Variants in NSUN6 observed in about 807,000 individuals in gnomAD.
The protein encoded by NSUN6 is tRNA (cytosine(72)-C(5))-methyltransferase NSUN6.
Under a neutral mutation model 58.0 loss-of-function variants are expected in NSUN6, and 64 were observed. That is an observed-to-expected ratio of 1.10 (90% confidence interval 0.90 to 1.36). NSUN6 has a LOEUF of 1.36. Among genes scored for constraint, NSUN6 ranks in the 40% most tolerant of loss-of-function variants. NSUN6 has a pLI of 0.00. For missense variants in NSUN6, 701 were observed against 550.1 expected, an observed-to-expected ratio of 1.27 and a Z score of -2.74; for synonymous variants, 231 against 193.9, an observed-to-expected ratio of 1.19 and a Z score of -1.59.
At chr10:18,582,712 G>T (rs1025580786) in intron 8 of NSUN6, among the ~76,000 whole-genome samples, 2 of 152,110 alleles carry the variant, frequency 1.3e-5, no homozygotes, top group Non-Finnish European at 2.9e-5. Context: ...GAAGCACACA[G>T]TTTAACACAA....
intron 2 of NSUN6, among the ~76,000 whole-genome samples, chr10:18,644,342 C>A (rs558563889): frequency 6.6e-6 from 1 of 152,260 alleles, no homozygotes; most frequent in Non-Finnish European, 1.5e-5. Context: ...CCATACTTGA[C>A]CCAGACTGGT....
At chr10:18,567,940 C>A (rs527453684) in intron 8 of NSUN6, among the ~76,000 whole-genome samples, 2 of 151,670 alleles carry the variant, frequency 1.3e-5, no homozygotes, top group African/African-American at 4.8e-5. Context: ...ATTCTCCATT[C>A]CATTCCATAT....
intron 3 of NSUN6, among the ~76,000 whole-genome samples, chr10:18,618,054 A>C (rs1332325089): frequency 6.6e-6 from 1 of 152,216 alleles, no homozygotes; most frequent in East Asian, 1.9e-4. Flanking sequence ...GCGTCATCTT[A>C]AAGTCCTCCT....
At chr10:18,623,091 C>G (rs2058668233) in intron 3 of NSUN6, among the ~76,000 whole-genome samples, 1 of 152,072 alleles carries the variant, frequency 6.6e-6, no homozygotes, top group Admixed American at 6.6e-5. Flanking sequence ...TATATTTCAC[C>G]AGTACATGAA....
chr10:18,578,125 C>T (rs150912857), intron 8 of NSUN6, among the ~76,000 whole-genome samples: 13 of 152,176 alleles, frequency 8.5e-5, no homozygotes, highest in African/African-American at 2.9e-4. Context: ...TAAAGGCACA[C>T]TTATAACCAG....
chr10:18,606,389 A>AC (rs140663567), intron 6 of NSUN6, among the ~76,000 whole-genome samples: 121,732 of 151,736 alleles, frequency 0.8, 48,961 homozygotes, highest in East Asian at 0.98. Flanking sequence ...ACAAGGCAAG[A>AC]TAGTTATCGC....
At chr10:18,635,263 C>G (rs1481889531) in intron 3 of NSUN6, among the ~76,000 whole-genome samples, 2 of 152,172 alleles carry the variant, frequency 1.3e-5, no homozygotes, top group African/African-American at 4.8e-5. Context: ...AAACTTCACC[C>G]CATGCCTCTT....
intron 8 of NSUN6, among the ~76,000 whole-genome samples, chr10:18,561,126 C>G (rs1302315387): frequency 1.3e-4 from 13 of 96,374 alleles, no homozygotes; most frequent in Non-Finnish European, 2.2e-4. Context: ...ATATAGAATG[C>G]AATGGAGAAT....
intron 1 of NSUN6, among the ~76,000 whole-genome samples, chr10:18,650,465 A>G (rs1452565497): frequency 6.6e-6 from 1 of 152,226 alleles, no homozygotes; most frequent in Non-Finnish European, 1.5e-5. Context: ...ATTTTTAACC[A>G]TTCTCAATTT....
At chr10:18,636,744 T>C (rs1022762318) in intron 3 of NSUN6, among the ~76,000 whole-genome samples, 1 of 151,442 alleles carries the variant, frequency 6.6e-6, no homozygotes, top group African/African-American at 2.4e-5. Flanking sequence ...ATACAAAAAT[T>C]AGTCGGGCGT....
intron 6 of NSUN6, among the ~76,000 whole-genome samples, chr10:18,605,052 A>G (rs1397062264): frequency 6.6e-6 from 1 of 151,290 alleles, no homozygotes; most frequent in East Asian, 2.0e-4. Context: ...CGCCCAGCTA[A>G]TTTTTTGTAT....
At chr10:18,562,136 GAATGGAATGGAA>G (rs1431312920) in intron 8 of NSUN6, among the ~76,000 whole-genome samples, 1 of 150,648 alleles carries the variant, frequency 6.6e-6, no homozygotes. Context: ...ATGGAGAATA[GAATGGAATGGAA>G]AATGGAATGG....
intron 8 of NSUN6, among the ~76,000 whole-genome samples, chr10:18,570,854 C>A (rs533479900): frequency 1.5e-4 from 22 of 151,404 alleles, no homozygotes; most frequent in African/African-American, 5.1e-4. Context: ...CTATTCCATT[C>A]TCTTCCATTC....
intron 9 of NSUN6, among the ~76,000 whole-genome samples, chr10:18,551,291 T>TGTGTGTGTGTGTGTGTGTGTGG (rs1230236829): frequency 1.3e-5 from 2 of 148,890 alleles, no homozygotes; most frequent in African/African-American, 5.0e-5. Flanking sequence ...TGTGTGTGTG[T>TGTGTGTGTGTGTGTGTGTGTGG]GGTAAAATAT....
chr10:18,647,726 T>TA (rs1178984797), intron 2 of NSUN6, among the ~76,000 whole-genome samples: 7 of 37,696 alleles, frequency 1.9e-4, no homozygotes, highest in Non-Finnish European at 4.4e-4. Context: ...CAACACCTTG[T>TA]TTTTTTTTTT....
In NSUN6 at chr10:18,644,783, T is replaced by A. The variant is rs576814572; in HGVS notation, c.232-2228A>T. On this transcript the variant is annotated intron_variant, in intron 2 of 10. Coordinates refer to ENST00000377304, the MANE Select transcript of NSUN6 (RefSeq NM_182543.5). ...TGAACCCAGGAGGTGGAGCTTGCAG[T>A]GAGCCAAGATCACGCCACTGCACTC... Among the ~76,000 whole-genome samples, 250 of 148,006 alleles carry A rather than the reference T, an allele frequency of 1.7e-3. 2 individuals carry two copies. The highest frequency in any genetic ancestry group is 0.016 in the South Asian group (74 of 4,714).
At chr10:18,570,347 T>C (rs950643961) in intron 8 of NSUN6, among the ~76,000 whole-genome samples, 8 of 151,248 alleles carry the variant, frequency 5.3e-5, no homozygotes, top group South Asian at 2.1e-4. Flanking sequence ...CTCCATTCCA[T>C]ATTCAATTCC....
chr10:18,580,129 G>T (rs2056840422), intron 8 of NSUN6, among the ~76,000 whole-genome samples: 1 of 152,194 alleles, frequency 6.6e-6, no homozygotes, highest in Admixed American at 6.5e-5. Flanking sequence ...GAGTTTTGCA[G>T]ACGCTCTCGC....
intron 8 of NSUN6, among the ~76,000 whole-genome samples, chr10:18,558,189 C>T (rs548798982): frequency 1.6e-4 from 22 of 134,586 alleles, no homozygotes; most frequent in Non-Finnish European, 2.9e-4. Flanking sequence ...ATGGAATGCA[C>T]AGTGGAATGC....
Sources: gnomAD v4.1 joint callset for allele counts (sites outside exome capture counted in the v4.1 genomes callset) on GRCh38, gnomAD v4.1.1 for gene constraint, MANE v1.5 for transcripts, NCBI Gene and HGNC (gene_info 2026-07-23, HGNC 2026-07-21) for gene names.